TRPM1: variants seen among roughly 807,000 people sequenced by gnomAD.
TRPM1 encodes transient receptor potential cation channel subfamily M member 1, also known as TRPM1-203 APA Isoform, Intron 10.
A neutral mutation model predicts 149.4 loss-of-function variants in TRPM1; 113 were observed. That is an observed-to-expected ratio of 0.76 (90% CI 0.65 to 0.88). The LOEUF (loss-of-function observed/expected upper bound fraction) is 0.88, where lower values mean the gene tolerates loss of function less well. Among genes scored for constraint, TRPM1 ranks in the 40% least tolerant of loss-of-function variants. The pLI is 0.00. For missense variants in TRPM1, 1,976 were observed against 2,038.7 expected (o/e 0.97, Z 0.59); for synonymous variants, 741 against 759.5 (o/e 0.98, Z 0.40).
intron 17 of TRPM1, 118 bp downstream of exon 17, chr15:31,041,833 A>G (rs1251306108): frequency 1.8e-6 from 2 of 1,142,838 alleles, no homozygotes; most frequent in Non-Finnish European, 2.6e-6. Flanking sequence ...GTGATTTGTG[A>G]ACAAGCTTTA....
At chr15:31,160,981 C>T (rs1238967061) in exon 1 of TRPM1, 1 of 1,535,394 alleles carries the variant, frequency 6.5e-7, no homozygotes, top group South Asian at 1.2e-5. Context: ...AGCCTGTGAG[C>T]CACCCTGCTG....
In TRPM1 at chr15:31,002,354, TC is replaced by T; in HGVS notation, c.4345del (p.Glu1449LysfsTer9). ...ETKITRYFPDETINACKTMKS... is the reference protein window; with the variant it reads ...ETKITRYFPDXTINACKTMKS... ...CATTGTTTTACAAGCATTGATCGTT[TC>T]ATCGGGGAAATAGCGTGTAATTTTG... On this transcript the variant is annotated frameshift_variant, in exon 28 of 28. Coordinates refer to ENST00000256552, the MANE Select transcript of TRPM1 (RefSeq NM_001252024.2). LOFTEE classifies it low-confidence loss of function (END_TRUNC). The T allele has an allele frequency of 6.2e-7, 1 of 1,614,228 alleles. No homozygotes were observed. Among genetic ancestry groups the T allele is most frequent in the Non-Finnish European group, 8.5e-7 (1 of 1,180,044 alleles).
chr15:31,008,209 G>T (rs1225889903), intron 27 of TRPM1, among the ~76,000 whole-genome samples: 1 of 152,020 alleles, frequency 6.6e-6, no homozygotes, highest in African/African-American at 2.4e-5. Flanking sequence ...CTTATTGCAT[G>T]GCCTAAGACT....
intron 2 of TRPM1, among the ~76,000 whole-genome samples, chr15:31,077,220 T>C (rs1250796668): frequency 6.6e-6 from 1 of 152,188 alleles, no homozygotes; most frequent in Admixed American, 6.5e-5. Context: ...TATCCACCTG[T>C]TGAAGATATT....
chr15:31,127,104 T>C (rs1361398742), intron 1 of TRPM1, among the ~76,000 whole-genome samples: 1 of 152,242 alleles, frequency 6.6e-6, no homozygotes, highest in Non-Finnish European at 1.5e-5. Flanking sequence ...ATTTACCCCA[T>C]GAAGCTGGTT....
At chr15:31,153,161 C>A (rs2036325446) in intron 1 of TRPM1, among the ~76,000 whole-genome samples, 1 of 152,148 alleles carries the variant, frequency 6.6e-6, no homozygotes, top group Admixed American at 6.5e-5. Context: ...GGTCTTTTCC[C>A]TGATACAGGA....
chr15:31,048,599 G>C (rs1416549522), intron 13 of TRPM1, among the ~76,000 whole-genome samples: 1 of 152,114 alleles, frequency 6.6e-6, no homozygotes, highest in Non-Finnish European at 1.5e-5. Flanking sequence ...ATCACTTGAG[G>C]CTAGGAGTTT....
intron 12 of TRPM1, 35 bp downstream of exon 12, chr15:31,050,374 T>G (rs2033911898): frequency 1.9e-6 from 3 of 1,614,122 alleles, no homozygotes; most frequent in Non-Finnish European, 2.5e-6. Flanking sequence ...GGAAGGGTGA[T>G]GCCAAGCTCG....
At chr15:31,038,947 G>T (rs1201527856) in intron 18 of TRPM1, among the ~76,000 whole-genome samples, 2 of 151,312 alleles carry the variant, frequency 1.3e-5, no homozygotes, top group Non-Finnish European at 2.9e-5. Context: ...GACAACAAAA[G>T]GATGCCCGGA....
chr15:31,041,106 T>C (rs1450312719), intron 17 of TRPM1, among the ~76,000 whole-genome samples: 2 of 151,878 alleles, frequency 1.3e-5, no homozygotes, highest in African/African-American at 4.8e-5. Context: ...CTTCCCCACA[T>C]GATCCAGATT....
chr15:31,155,769 C>T (rs1406046042), intron 1 of TRPM1, among the ~76,000 whole-genome samples: 4 of 152,026 alleles, frequency 2.6e-5, no homozygotes, highest in African/African-American at 9.7e-5. Flanking sequence ...TTCTCTCTTG[C>T]CCAAATTCCT....
At chr15:31,115,331 T>C (rs142167322) in intron 1 of TRPM1, among the ~76,000 whole-genome samples, 2 of 152,306 alleles carry the variant, frequency 1.3e-5, no homozygotes, top group East Asian at 3.9e-4. Context: ...AAAAAACTTC[T>C]GGTTTCGGCT....
intron 1 of TRPM1, among the ~76,000 whole-genome samples, chr15:31,086,107 A>G (rs1345662849): frequency 6.6e-6 from 1 of 152,184 alleles, no homozygotes; most frequent in Non-Finnish European, 1.5e-5. Flanking sequence ...GGTCATAAAC[A>G]AGGGCTGTCA....
intron 27 of TRPM1, among the ~76,000 whole-genome samples, chr15:31,015,567 C>T (rs978543329): frequency 6.6e-5 from 10 of 152,130 alleles, no homozygotes; most frequent in African/African-American, 1.2e-4. Context: ...AACACAAGCA[C>T]GTCAATCTTT....
intron 24 of TRPM1, 73 bp downstream of exon 24, chr15:31,029,298 G>T: frequency 6.8e-7 from 1 of 1,474,740 alleles, no homozygotes; most frequent in Non-Finnish European, 9.5e-7. Flanking sequence ...AAGACTACTA[G>T]TAATCAGCTA....
At chr15:31,118,106 C>CA (rs1375962727) in intron 1 of TRPM1, among the ~76,000 whole-genome samples, 1 of 151,966 alleles carries the variant, frequency 6.6e-6, no homozygotes, top group Non-Finnish European at 1.5e-5. Context: ...ACTAAAAATA[C>CA]AAAAAATTAG....
upstream of TRPM1, among the ~76,000 whole-genome samples, chr15:31,105,462 T>C (rs1372178196): frequency 6.4e-5 from 5 of 78,548 alleles, no homozygotes; most frequent in Non-Finnish European, 1.3e-4. Context: ...TGTGTGTGTG[T>C]GTGTGTGTGT....
At chr15:31,151,394 C>G (rs531896972) in intron 1 of TRPM1, among the ~76,000 whole-genome samples, 10 of 152,292 alleles carry the variant, frequency 6.6e-5, no homozygotes, top group African/African-American at 2.4e-4. Context: ...CAGAGTCCTC[C>G]CTGGAGTTCA....
chr15:31,138,282 T>A (rs1016737293), intron 1 of TRPM1, among the ~76,000 whole-genome samples: 2 of 151,932 alleles, frequency 1.3e-5, no homozygotes, highest in African/African-American at 4.8e-5. Context: ...CCTCTGACAA[T>A]CTTCGTATTA....
Sources: gnomAD v4.1 joint callset for allele counts (sites outside exome capture counted in the v4.1 genomes callset) on GRCh38, gnomAD v4.1.1 for gene constraint, MANE v1.5 for transcripts, NCBI Gene and HGNC (gene_info 2026-07-23, HGNC 2026-07-21) for gene names.